Variants in COL19A1 observed in about 807,000 individuals in gnomAD.
The protein encoded by COL19A1 is collagen alpha-1(XIX) chain.
In COL19A1, 159 loss-of-function variants were observed where a neutral mutation model predicts 190.2. The observed-to-expected ratio is 0.84, with a 90% CI of 0.73 to 0.95. COL19A1 has a LOEUF of 0.95. Among genes scored for constraint, COL19A1 ranks in the 40% least tolerant of loss-of-function variants. The pLI is 0.00. For missense variants in COL19A1, 1,418 were observed against 1,431.9 expected, an observed-to-expected ratio of 0.99 and a Z score of 0.16; for synonymous variants, 509 against 458.9, an observed-to-expected ratio of 1.11 and a Z score of -1.39.
At chr6:69,922,380 CTT>C (rs1772034627) in intron 4 of COL19A1, among the ~76,000 whole-genome samples, 1 of 149,328 alleles carries the variant, frequency 6.7e-6, no homozygotes, top group Non-Finnish European at 1.5e-5. Context: ...TGATAATACT[CTT>C]ATTTTTTTGT....
At chr6:70,153,169 C>T (rs1331074515) in intron 31 of COL19A1, among the ~76,000 whole-genome samples, 1 of 152,150 alleles carries the variant, frequency 6.6e-6, no homozygotes, top group Non-Finnish European at 1.5e-5. Flanking sequence ...GGAATTTAGA[C>T]TGTGGGTTGG....
At chr6:69,934,315 A>T (rs1772966199) in intron 7 of COL19A1, among the ~76,000 whole-genome samples, 1 of 151,970 alleles carries the variant, frequency 6.6e-6, no homozygotes, top group African/African-American at 2.4e-5. Context: ...AAATACCTAG[A>T]CTTCCTGGAG....
chr6:69,921,228 G>T (rs1013914938), intron 4 of COL19A1, among the ~76,000 whole-genome samples: 1 of 127,096 alleles, frequency 7.9e-6, no homozygotes, highest in South Asian at 2.4e-4. Context: ...ATATCCATAT[G>T]TATTATATAT....
intron 11 of COL19A1, among the ~76,000 whole-genome samples, chr6:70,009,871 T>C (rs1179741628): frequency 7.1e-6 from 1 of 140,098 alleles, no homozygotes; most frequent in Non-Finnish European, 1.5e-5. Context: ...TTTTATATGG[T>C]TGGATTTGCA....
At position 70,151,409 on chromosome 6, in the gene COL19A1, C is replaced by G. The variant is rs765477557; in HGVS notation, c.2050C>G (p.Leu684Val). 2 of 1,612,670 alleles carry G rather than the reference C, an allele frequency of 1.2e-6. No individual in the cohort carries two copies. Among genetic ancestry groups the G allele is most frequent in the Non-Finnish European group, 1.7e-6 (2 of 1,179,128 alleles). ...TTCTTAACCACAGATTGCACTTCCT[C>G]TCTTGGGAGACATCGGTGCTTTGCT... The part of the protein sequence containing the change: ...GPPGDPIALP[L>V]LGDIGALLKN... The change falls in exon 31 of 51, where the codon CTC becomes GTC. Residue 684 changes from leucine to valine, a missense_variant. Transcript: ENST00000620364.
chr6:70,054,837 A>G (rs1190983924), intron 14 of COL19A1, among the ~76,000 whole-genome samples: 1 of 152,194 alleles, frequency 6.6e-6, no homozygotes, highest in Middle Eastern at 3.2e-3. Context: ...GTCCTAAAGA[A>G]AACATAAGAA....
At chr6:70,150,592 C>T (rs1178320483) in intron 30 of COL19A1, among the ~76,000 whole-genome samples, 1 of 152,082 alleles carries the variant, frequency 6.6e-6, no homozygotes, top group African/African-American at 2.4e-5. Context: ...TAAATAGCCT[C>T]AGACTCGGCA....
chr6:70,189,799 A>C (rs1766740633), intron 47 of COL19A1, among the ~76,000 whole-genome samples: 1 of 152,234 alleles, frequency 6.6e-6, no homozygotes. Context: ...TTTATGATGA[A>C]ATGGGTAAAA....
At chr6:69,874,661 G>C (rs929268743) in intron 1 of COL19A1, among the ~76,000 whole-genome samples, 1 of 152,122 alleles carries the variant, frequency 6.6e-6, no homozygotes, top group Non-Finnish European at 1.5e-5. Flanking sequence ...TGAGGCAGGA[G>C]AATGGTGTGA....
At chr6:69,958,874 C>G (rs1196297417) in intron 9 of COL19A1, among the ~76,000 whole-genome samples, 1 of 151,982 alleles carries the variant, frequency 6.6e-6, no homozygotes, top group Non-Finnish European at 1.5e-5. Context: ...TGACTTTTTT[C>G]TTCATAGATT....
At chr6:69,896,485 C>T (rs1197529460) in intron 2 of COL19A1, among the ~76,000 whole-genome samples, 2 of 142,768 alleles carry the variant, frequency 1.4e-5, no homozygotes, top group African/African-American at 5.3e-5. Context: ...TGCAGTGAGC[C>T]GAGATTGCGC....
chr6:69,969,571 CAAAT>C lies in COL19A1; in HGVS notation c.1026+6704_1026+6707del, dbSNP rs534522785. On this transcript the variant is annotated intron_variant, in intron 11 of 50. Transcript: ENST00000620364. ...ATTAAAAATAACAATACAACAATAA[CAAAT>C]AATACAAATAAAAAACAATATAATC... Among the ~76,000 whole-genome samples the C allele has an allele frequency of 2.0e-3, 297 of 152,156 alleles. 2 individuals carry two copies. The highest frequency in any genetic ancestry group is 7.0e-3 in the African/African-American group (289 of 41,520).
chr6:70,189,134 G>A (rs917036497), intron 47 of COL19A1, among the ~76,000 whole-genome samples: 1 of 151,996 alleles, frequency 6.6e-6, no homozygotes, highest in African/African-American at 2.4e-5. Context: ...CCATCATATT[G>A]GATTTTTTTT....
intron 49 of COL19A1, among the ~76,000 whole-genome samples, chr6:70,200,811 T>C (rs2150307632): frequency 6.6e-6 from 1 of 152,334 alleles, no homozygotes; most frequent in Non-Finnish European, 1.5e-5. Flanking sequence ...TATCTTAATA[T>C]AACCTTATAA....
chr6:70,009,881 A>C (rs1562085368), intron 11 of COL19A1, among the ~76,000 whole-genome samples: 1 of 142,032 alleles, frequency 7.0e-6, no homozygotes, highest in East Asian at 1.9e-4. Context: ...TTGGATTTGC[A>C]TGTTTAAGAA....
intron 14 of COL19A1, among the ~76,000 whole-genome samples, chr6:70,053,621 G>A (rs1240370420): frequency 6.6e-6 from 1 of 152,122 alleles, no homozygotes; most frequent in Non-Finnish European, 1.5e-5. Context: ...TATGTTTAAA[G>A]AAATATTTGT....
In COL19A1 at chr6:70,209,554, C is replaced by A. The variant is rs1051640673; in HGVS notation, c.*2280C>A. The A allele has an allele frequency of 1.3e-5, 2 of 152,022 alleles. No individual in the cohort carries two copies. Among genetic ancestry groups the A allele is most frequent in the African/African-American group, 4.8e-5 (2 of 41,400 alleles). 9.4% of individuals were successfully genotyped at this position (152,022 alleles called of 1,614,324 possible). A position where few individuals can be genotyped will look rare whatever the true frequency, so the allele number is the denominator to read the frequency against. ...ATGAATTGTATATTTAGAAATCTTT[C>A]TAAATACCATTAAGGCTTGACTGGT... On this transcript the variant is annotated 3_prime_UTR_variant, in exon 51 of 51. Transcript: ENST00000620364.
At chr6:69,937,502 A>G (rs1178184400) in intron 8 of COL19A1, among the ~76,000 whole-genome samples, 1 of 152,096 alleles carries the variant, frequency 6.6e-6, no homozygotes, top group Non-Finnish European at 1.5e-5. Context: ...AATGGCAGTA[A>G]TAAAGCCTGT....
At chr6:70,161,879 G>A in intron 34 of COL19A1, 21 bp from the exon 35 acceptor site, 1 of 1,594,134 alleles carries the variant, frequency 6.3e-7, no homozygotes, top group Non-Finnish European at 8.5e-7. Context: ...CAGATTTTAT[G>A]ATGGGAACTA....
Sources: allele counts gnomAD v4.1 joint callset (sites outside exome capture counted in the v4.1 genomes callset), GRCh38; gene constraint gnomAD v4.1.1; transcripts MANE v1.5; gene names NCBI Gene and HGNC (gene_info 2026-07-23, HGNC 2026-07-21).